SLC13A1: variants seen among roughly 807,000 people sequenced by gnomAD.
The protein encoded by SLC13A1 is solute carrier family 13 member 1, also known as Na(+)/sulfate cotransporter.
A neutral mutation model predicts 70.0 loss-of-function variants in SLC13A1; 65 were observed. The ratio of observed to expected loss-of-function variants is 0.93; its 90% CI spans 0.76 to 1.14. The LOEUF (loss-of-function observed/expected upper bound fraction) is 1.14. SLC13A1 is among the 50% of genes most tolerant of loss of function. The pLI, the probability that SLC13A1 is intolerant of heterozygous loss-of-function variation, is 0.00. For missense variants in SLC13A1, 726 were observed against 717.8 expected, an observed-to-expected ratio of 1.01 and a Z score of -0.13; for synonymous variants, 275 against 250.5, an observed-to-expected ratio of 1.10 and a Z score of -0.92.
intron 6 of SLC13A1, 82 bp downstream of exon 6, chr7:123,168,292 G>T: frequency 1.1e-6 from 1 of 869,848 alleles, no homozygotes; most frequent in Non-Finnish European, 1.8e-6. Flanking sequence ...GCAAGTGGCA[G>T]GTTTTAAAAT....
chr7:123,125,312 T>C (rs1793521021), intron 11 of SLC13A1, among the ~76,000 whole-genome samples: 1 of 152,196 alleles, frequency 6.6e-6, no homozygotes, highest in Non-Finnish European at 1.5e-5. Flanking sequence ...GGTCAAATAG[T>C]ATCGCTTGTA....
At chr7:123,122,608 G>A (rs1345357656) in intron 12 of SLC13A1, among the ~76,000 whole-genome samples, 1 of 152,048 alleles carries the variant, frequency 6.6e-6, no homozygotes, top group Non-Finnish European at 1.5e-5. Flanking sequence ...TATAATGTTA[G>A]AAAGGGTTAT....
In SLC13A1 at chr7:123,169,327, A is replaced by G. The variant is rs1463886612; in HGVS notation, c.374T>C (p.Leu125Pro). 1.9e-6 allele frequency: 3 copies of G among 1,611,986 alleles called. No homozygotes were observed. In the Admixed American group the frequency reaches 5.0e-5, roughly 27 times the overall value. Residue 125 changes from leucine (L) to proline (P), a missense_variant, in exon 4 of 15, where the codon CTG becomes CCG. Coordinates refer to ENST00000194130, the MANE Select transcript of SLC13A1 (RefSeq NM_022444.4). The stretch of plus-strand genomic sequence containing the variant: ...AAAGGCAGTGCTGCTCATGAACCCC[A>G]GCGTCAGCCTGAAACCAGAGAGCCA... The part of the protein sequence containing the change: ...MVGVNPAWLT[L>P]GFMSSTAFLS...
Position 123,119,140 on chromosome 7 carries a change from T to G in SLC13A1, c.1453A>C (p.Thr485Pro). Residue 485 changes from threonine (T) to proline (P), a missense_variant, in exon 13 of 15, where the codon ACT becomes CCT. Thr to Pro is a conservative substitution (Grantham distance 38). Transcript: ENST00000194130. ...LISSLMVTSL[T>P]EVASNPATIT... Reference sequence around the variant, plus strand: ...GTAGCTGGATTGCTGGCTACCTCAGTTAAAGATGTCACCATCAAAGAAGAT... The same window carrying G: ...GTAGCTGGATTGCTGGCTACCTCAGGTAAAGATGTCACCATCAAAGAAGAT... 1 of 1,612,782 alleles carries G rather than the reference T, an allele frequency of 6.2e-7. No homozygotes were observed. Among genetic ancestry groups the G allele is most frequent in the Non-Finnish European group, 8.5e-7 (1 of 1,179,202 alleles).
intron 7 of SLC13A1, among the ~76,000 whole-genome samples, chr7:123,140,115 A>G (rs1415336222): frequency 6.6e-6 from 1 of 151,890 alleles, no homozygotes; most frequent in East Asian, 1.9e-4. Flanking sequence ...CTTCTTTACA[A>G]ATTTTTTGAG....
intron 7 of SLC13A1, among the ~76,000 whole-genome samples, chr7:123,140,850 G>A (rs949957677): frequency 1.7e-4 from 26 of 151,684 alleles, no homozygotes; most frequent in African/African-American, 6.3e-4. Context: ...TGCCAATTTT[G>A]TTTAACTTTT....
intron 1 of SLC13A1, among the ~76,000 whole-genome samples, chr7:123,187,567 C>A (rs1795847842): frequency 6.6e-6 from 1 of 152,152 alleles, no homozygotes; most frequent in Admixed American, 6.5e-5. Flanking sequence ...TAACTACTGT[C>A]TAGAATGTGG....
chr7:123,145,129 A>G (rs2116403207), intron 7 of SLC13A1, among the ~76,000 whole-genome samples: 1 of 152,326 alleles, frequency 6.6e-6, no homozygotes, highest in East Asian at 1.9e-4. Flanking sequence ...GAGCAGTGGC[A>G]ATAACAACAG....
intron 12 of SLC13A1, among the ~76,000 whole-genome samples, chr7:123,120,451 C>T (rs1363508609): frequency 6.6e-6 from 1 of 152,012 alleles, no homozygotes; most frequent in African/African-American, 2.4e-5. Flanking sequence ...ATATTCTGCT[C>T]CTTTGATTCA....
chr7:123,149,240 C>A (rs1794470200), intron 6 of SLC13A1, among the ~76,000 whole-genome samples: 1 of 152,106 alleles, frequency 6.6e-6, no homozygotes, highest in South Asian at 2.1e-4. Context: ...ATGTTTCCTA[C>A]ATATGGTCCA....
At chr7:123,152,789 T>C (rs1245421636) in intron 6 of SLC13A1, among the ~76,000 whole-genome samples, 6 of 152,126 alleles carry the variant, frequency 3.9e-5, no homozygotes, top group Admixed American at 3.9e-4. Flanking sequence ...AGAAATCATT[T>C]GTATTTTCTA....
chr7:123,195,243 T>G (rs893630463), intron 1 of SLC13A1, among the ~76,000 whole-genome samples: 10 of 152,126 alleles, frequency 6.6e-5, no homozygotes, highest in African/African-American at 2.4e-4. Context: ...TCCTTGTTCT[T>G]CATCATTTCT....
chr7:123,150,760 G>A (rs1794526770), intron 6 of SLC13A1, among the ~76,000 whole-genome samples: 1 of 151,920 alleles, frequency 6.6e-6, no homozygotes. Flanking sequence ...AAAAAACTCT[G>A]CTTTGGGTTT....
chr7:123,195,461 A>G (rs1796147506), intron 1 of SLC13A1, among the ~76,000 whole-genome samples: 1 of 151,574 alleles, frequency 6.6e-6, no homozygotes, highest in Admixed American at 6.6e-5. Context: ...TAGTCTTTTT[A>G]AATTATCTCC....
At chr7:123,150,541 A>G (rs1794519730) in intron 6 of SLC13A1, among the ~76,000 whole-genome samples, 1 of 152,102 alleles carries the variant, frequency 6.6e-6, no homozygotes, top group Non-Finnish European at 1.5e-5. Context: ...CTCCATTTTC[A>G]CAGCCAAACT....
At chr7:123,116,302 C>CTTGAT (rs1340684667) in intron 14 of SLC13A1, among the ~76,000 whole-genome samples, 1 of 152,104 alleles carries the variant, frequency 6.6e-6, no homozygotes, top group African/African-American at 2.4e-5. Flanking sequence ...AATTACTGCC[C>CTTGAT]TTGATTTGTT....
chr7:123,165,646 C>T (rs2116522593), intron 6 of SLC13A1, among the ~76,000 whole-genome samples: 1 of 152,232 alleles, frequency 6.6e-6, no homozygotes, highest in Admixed American at 6.5e-5. Context: ...TTGCGTTTTC[C>T]ATAAAATCAA....
At chr7:123,119,059 A>C (rs754761238) in intron 13 of SLC13A1, 22 bp downstream of exon 13, 1 of 1,602,172 alleles carries the variant, frequency 6.2e-7, no homozygotes, top group African/African-American at 1.3e-5. Context: ...AAGAGTAAAA[A>C]GGGGATAAAT....
At chr7:123,198,720 T>C (rs1256411923) in intron 1 of SLC13A1, among the ~76,000 whole-genome samples, 3 of 152,036 alleles carry the variant, frequency 2.0e-5, no homozygotes, top group Non-Finnish European at 4.4e-5. Flanking sequence ...ACCACCATAT[T>C]ATAGTTAATA....
Sources: gnomAD v4.1 joint callset for allele counts (sites outside exome capture counted in the v4.1 genomes callset) on GRCh38, gnomAD v4.1.1 for gene constraint, MANE v1.5 for transcripts, NCBI Gene and HGNC (gene_info 2026-07-23, HGNC 2026-07-21) for gene names.